Variants in CHN1 observed in about 807,000 individuals in gnomAD.
CHN1 encodes N-chimaerin.
A neutral mutation model predicts 59.5 loss-of-function variants in CHN1; 37 were observed. That is an observed-to-expected ratio of 0.62 (90% CI 0.48 to 0.82). The LOEUF (loss-of-function observed/expected upper bound fraction) is 0.82, where lower values mean the gene tolerates loss of function less well. Ranked by LOEUF, CHN1 falls within the 40% of genes least tolerant of loss-of-function variation. CHN1 has a pLI of 0.00. For missense variants in CHN1, 469 were observed against 571.0 expected (o/e 0.82, Z 1.82); for synonymous variants, 206 against 200.4 (o/e 1.03, Z -0.24).
At chr2:174,908,925 C>T (rs1469811354) in intron 5 of CHN1, among the ~76,000 whole-genome samples, 2 of 152,012 alleles carry the variant, frequency 1.3e-5, no homozygotes, top group Non-Finnish European at 1.5e-5. Flanking sequence ...TTAGGTTTTC[C>T]ATATCACCTT....
chr2:174,879,071 G>A (rs184067157), intron 5 of CHN1, among the ~76,000 whole-genome samples: 92 of 152,274 alleles, frequency 6.0e-4, no homozygotes, highest in Non-Finnish European at 1.0e-3. Flanking sequence ...AGGTAACCCC[G>A]AGTGAGACTA....
intron 6 of CHN1, among the ~76,000 whole-genome samples, chr2:174,864,837 C>A (rs543875596): frequency 6.6e-6 from 1 of 151,986 alleles, no homozygotes; most frequent in East Asian, 1.9e-4. Context: ...TGTAGTCCAG[C>A]CTGGGTTGAC....
chr2:174,914,843 A>AG (rs1688801343), intron 5 of CHN1, among the ~76,000 whole-genome samples: 1 of 38,726 alleles, frequency 2.6e-5, no homozygotes, highest in African/African-American at 1.4e-4. Flanking sequence ...GATTCCATTC[A>AG]AAAAAAAAAA....
chr2:174,840,161 C>CTTTTTTTTTT (rs71407154), intron 7 of CHN1, among the ~76,000 whole-genome samples: 3 of 67,406 alleles, frequency 4.5e-5, no homozygotes, highest in African/African-American at 1.2e-4. Context: ...TAAAACCATT[C>CTTTTTTTTTT]TTTTTTTTTT....
chr2:174,889,539 A>G (rs78250925), intron 5 of CHN1, among the ~76,000 whole-genome samples: 7,487 of 152,236 alleles, frequency 0.049, 601 homozygotes, highest in African/African-American at 0.17. Flanking sequence ...CAGAAACTAT[A>G]AAAAAGAAAC....
intron 3 of CHN1, among the ~76,000 whole-genome samples, chr2:174,919,860 A>G (rs558094106): frequency 1.4e-4 from 21 of 152,266 alleles, no homozygotes; most frequent in African/African-American, 5.1e-4. Context: ...AAGTTGTACA[A>G]CAGCTCTTTT....
chr2:174,912,783 C>T (rs1034087203), intron 5 of CHN1, among the ~76,000 whole-genome samples: 4 of 152,158 alleles, frequency 2.6e-5, no homozygotes, highest in Non-Finnish European at 5.9e-5. Context: ...TATTTGGGCA[C>T]ATAAATTACT....
intron 8 of CHN1, among the ~76,000 whole-genome samples, chr2:174,816,789 C>A (rs966134037): frequency 6.6e-6 from 1 of 152,138 alleles, no homozygotes; most frequent in African/African-American, 2.4e-5. Flanking sequence ...TTGTCCAGAA[C>A]TGGAAGAACT....
At chr2:174,986,850 C>T (rs924677147) in intron 1 of CHN1, among the ~76,000 whole-genome samples, 5 of 152,210 alleles carry the variant, frequency 3.3e-5, no homozygotes, top group Non-Finnish European at 5.9e-5. Flanking sequence ...GATCCTCCTG[C>T]CTCAGCCTCC....
intron 6 of CHN1, among the ~76,000 whole-genome samples, chr2:174,875,297 G>A (rs903079131): frequency 6.6e-6 from 1 of 152,188 alleles, no homozygotes; most frequent in African/African-American, 2.4e-5. Context: ...TATCTCATAT[G>A]AAGAAACTGA....
At chr2:174,981,084 G>C (rs766371065) in intron 1 of CHN1, among the ~76,000 whole-genome samples, 55 of 152,082 alleles carry the variant, frequency 3.6e-4, no homozygotes, top group Non-Finnish European at 6.8e-4. Flanking sequence ...TTAAAGAAAG[G>C]TGCCATGATC....
At chr2:174,966,783 T>G (rs1559001807) in intron 1 of CHN1, among the ~76,000 whole-genome samples, 1 of 152,190 alleles carries the variant, frequency 6.6e-6, no homozygotes. Flanking sequence ...TCCTGACATG[T>G]CGGCATATTT....
intron 1 of CHN1, among the ~76,000 whole-genome samples, chr2:174,999,398 A>C (rs1041370249): frequency 3.3e-5 from 5 of 152,196 alleles, no homozygotes; most frequent in African/African-American, 1.2e-4. Flanking sequence ...AAAGGACCTC[A>C]TCTTTATCAG....
intron 12 of CHN1, 95 bp from the exon 13 acceptor site, chr2:174,800,382 T>G (rs1684681536): frequency 5.0e-6 from 5 of 1,004,360 alleles, no homozygotes; most frequent in Non-Finnish European, 5.4e-6. Context: ...ACAATAAAAG[T>G]TTGCGTCCGC....
At chr2:174,924,046 C>T (rs545708783) in intron 3 of CHN1, among the ~76,000 whole-genome samples, 1 of 152,150 alleles carries the variant, frequency 6.6e-6, no homozygotes, top group African/African-American at 2.4e-5. Context: ...CAATATACTA[C>T]CCTAAAACAT....
At chr2:174,865,476 T>C (rs1477514403) in intron 6 of CHN1, among the ~76,000 whole-genome samples, 2 of 152,168 alleles carry the variant, frequency 1.3e-5, no homozygotes, top group African/African-American at 2.4e-5. Flanking sequence ...TAATTCACCA[T>C]AAACCTATCA....
At chr2:174,820,099 T>C (rs1457875588) in intron 8 of CHN1, among the ~76,000 whole-genome samples, 1 of 152,158 alleles carries the variant, frequency 6.6e-6, no homozygotes, top group African/African-American at 2.4e-5. Context: ...TCCAACTCTT[T>C]GCTATTGTGA....
chr2:174,933,550 G>A (rs1274015294), intron 3 of CHN1, among the ~76,000 whole-genome samples: 1 of 152,122 alleles, frequency 6.6e-6, no homozygotes, highest in Non-Finnish European at 1.5e-5. Flanking sequence ...AAGCAGTTCT[G>A]CTTGGAGTGG....
intron 1 of CHN1, among the ~76,000 whole-genome samples, chr2:174,969,802 GA>G (rs1285217425): frequency 2.0e-5 from 3 of 152,036 alleles, no homozygotes; most frequent in African/African-American, 7.3e-5. Context: ...ATGAGGGCAG[GA>G]TTTTTTTGTC....
Sources: gnomAD v4.1 joint callset for allele counts (sites outside exome capture counted in the v4.1 genomes callset) on GRCh38, gnomAD v4.1.1 for gene constraint, MANE v1.5 for transcripts, NCBI Gene and HGNC (gene_info 2026-07-23, HGNC 2026-07-21) for gene names.